TMEM154: variants seen among roughly 807,000 people sequenced by gnomAD.
TMEM154 encodes transmembrane protein 154.
Under a neutral mutation model 24.5 loss-of-function variants are expected in TMEM154, and 27 were observed. The observed-to-expected ratio is 1.10, with a 90% CI of 0.81 to 1.52. The LOEUF is 1.52. Ranked by LOEUF, TMEM154 falls within the 40% of genes most tolerant of loss-of-function variation. The pLI is 0.00. For missense variants in TMEM154, 228 were observed against 213.4 expected (o/e 1.07, Z -0.43); for synonymous variants, 67 against 76.8 (o/e 0.87, Z 0.67).
At chr4:152,629,279 T>C (rs1280125994) in intron 6 of TMEM154, among the ~76,000 whole-genome samples, 4 of 152,204 alleles carry the variant, frequency 2.6e-5, no homozygotes, top group African/African-American at 7.2e-5. Flanking sequence ...CCGTTTTCTC[T>C]CAAGAGTTTG....
At chr4:152,662,186 G>A (rs1023288273) in intron 1 of TMEM154, among the ~76,000 whole-genome samples, 11 of 151,972 alleles carry the variant, frequency 7.2e-5, no homozygotes, top group African/African-American at 2.7e-4. Flanking sequence ...ATCTAAAAAT[G>A]GGGAGAGCAT....
rs761429140 is a variant in TMEM154 at position 152,644,416 on chromosome 4, C to G, written c.391G>C (p.Val131Leu). 108 of 1,614,076 alleles carry G rather than the reference C, an allele frequency of 6.7e-5. 1 individual carries two copies. In the South Asian group the frequency reaches 9.2e-4, roughly 14 times the overall value. The part of the protein sequence containing the change: ...TYELGSENVK[V>L]PIFEEDTPSV... The stretch of plus-strand genomic sequence containing the variant: ...TCAGAAGCAGCAGGGAAAACTTACA[C>G]TTTCACGTTTTCACTTCCCAGTTCA... Residue 131 changes from valine (V) to leucine (L), a missense_variant and splice_region_variant, in exon 4 of 7, where the codon GTC becomes CTC. Val to Leu is a conservative substitution (Grantham distance 32, BLOSUM62 1). Transcript: ENST00000304385.
chr4:152,629,587 C>T (rs1380629284), intron 6 of TMEM154, among the ~76,000 whole-genome samples: 1 of 152,166 alleles, frequency 6.6e-6, no homozygotes, highest in African/African-American at 2.4e-5. Flanking sequence ...TTTTTAGTTC[C>T]GTACTCCCTT....
chr4:152,626,662 A>G lies in TMEM154; in HGVS notation c.*1884T>C, dbSNP rs1471584280. The G allele has an allele frequency of 6.6e-6, 1 of 152,124 alleles. No individual in the cohort carries two copies. Among genetic ancestry groups the G allele is most frequent in the Non-Finnish European group, 1.5e-5 (1 of 68,020 alleles). 9.4% of individuals were successfully genotyped at this position (152,124 alleles called of 1,614,324 possible). A position where few individuals can be genotyped will look rare whatever the true frequency, so the allele number is the denominator to read the frequency against. On this transcript the variant is annotated 3_prime_UTR_variant, in exon 7 of 7. Coordinates refer to ENST00000304385, the MANE Select transcript of TMEM154 (RefSeq NM_152680.3). ...GACTTCATCAACATGAAGTTCCAGGACCCCAGATGCCTCTCTGAGAAGTTC... is the reference window on the plus strand; with the variant it reads ...GACTTCATCAACATGAAGTTCCAGGGCCCCAGATGCCTCTCTGAGAAGTTC...
rs544288646 is a variant in TMEM154 at position 152,628,200 on chromosome 4, C to T, written c.*346G>A. The T allele has an allele frequency of 2.9e-5, 9 of 314,240 alleles. No individual in the cohort carries two copies. The highest frequency in any genetic ancestry group is 1.3e-4 in the East Asian group (2 of 15,958). The allele number at this position is 314,240 out of a possible 1,614,324, so 19.5% of individuals were successfully genotyped here. On this transcript the variant is annotated 3_prime_UTR_variant, in exon 7 of 7. Transcript: ENST00000304385. ...CCTAAGGAATGAAGCAGAAAGGTGACGAACATTTATCATGACCAGAGTGAG... is the reference window on the plus strand; with the variant it reads ...CCTAAGGAATGAAGCAGAAAGGTGATGAACATTTATCATGACCAGAGTGAG...
chr4:152,673,279 G>A (rs1206886830), intron 1 of TMEM154, among the ~76,000 whole-genome samples: 7 of 148,304 alleles, frequency 4.7e-5, no homozygotes, highest in African/African-American at 1.0e-4. Context: ...TTCCCACCCC[G>A]CTTCTGCATA....
intron 1 of TMEM154, among the ~76,000 whole-genome samples, chr4:152,678,654 C>T (rs1463516119): frequency 6.6e-6 from 1 of 152,168 alleles, no homozygotes; most frequent in Non-Finnish European, 1.5e-5. Flanking sequence ...GTTTCTTCAC[C>T]TGTGTGCCCA....
chr4:152,644,594 G>T, intron 3 of TMEM154, 152 bp from the exon 4 acceptor site: 1 of 762,898 alleles, frequency 1.3e-6, no homozygotes, highest in Non-Finnish European at 2.2e-6. Context: ...AGTCAAAGAA[G>T]TGTGGATTGC....
At chr4:152,636,830 T>C (rs940468526) in intron 6 of TMEM154, among the ~76,000 whole-genome samples, 8 of 152,354 alleles carry the variant, frequency 5.3e-5, no homozygotes, top group Non-Finnish European at 1.2e-4. Flanking sequence ...AGTGGAACCC[T>C]GTAAATGAAT....
At chr4:152,633,038 A>G (rs1050809242) in intron 6 of TMEM154, among the ~76,000 whole-genome samples, 1 of 152,246 alleles carries the variant, frequency 6.6e-6, no homozygotes, top group Non-Finnish European at 1.5e-5. Flanking sequence ...TGTTGGTAAA[A>G]CACTAGCATG....
At chr4:152,629,025 G>A (rs2149776819) in intron 6 of TMEM154, among the ~76,000 whole-genome samples, 1 of 152,192 alleles carries the variant, frequency 6.6e-6, no homozygotes, top group Admixed American at 6.5e-5. Flanking sequence ...AAACCATCAG[G>A]AAGCCAATGG....
chr4:152,668,155 T>C (rs1401909492), intron 1 of TMEM154, among the ~76,000 whole-genome samples: 1 of 152,224 alleles, frequency 6.6e-6, no homozygotes, highest in Admixed American at 6.5e-5. Context: ...TTTTATACAC[T>C]GGAATCCTAC....
chr4:152,677,972 TC>T (rs1259692758), intron 1 of TMEM154, among the ~76,000 whole-genome samples: 4 of 152,098 alleles, frequency 2.6e-5, no homozygotes, highest in African/African-American at 4.8e-5. Context: ...TTTAGGTCTA[TC>T]GGGGCACAGC....
intron 6 of TMEM154, among the ~76,000 whole-genome samples, chr4:152,634,771 T>A (rs527480034): frequency 6.6e-6 from 1 of 152,214 alleles, no homozygotes; most frequent in African/African-American, 2.4e-5. Flanking sequence ...AAGCTCAGAT[T>A]TGAGAGAATC....
At chr4:152,655,473 GC>G (rs1728472674) in intron 1 of TMEM154, among the ~76,000 whole-genome samples, 1 of 152,178 alleles carries the variant, frequency 6.6e-6, no homozygotes, top group East Asian at 1.9e-4. Flanking sequence ...GCAGCACAGT[GC>G]CACTTTGAGG....
At position 152,622,155 on chromosome 4, in the gene TMEM154, A is replaced by T. The variant is rs1047985495; in HGVS notation, c.*6391T>A. ...TTTTAAAAGTTATATTCTCATAAAC[A>T]ATTAAAATTTCATTCCTTCATTTAA... is the stretch of plus-strand genomic sequence containing the variant. On this transcript the variant is annotated 3_prime_UTR_variant, in exon 7 of 7. Coordinates refer to ENST00000304385, the MANE Select transcript of TMEM154 (RefSeq NM_152680.3). 6.6e-6 allele frequency: 1 copy of T among 152,250 alleles called. No homozygotes were observed. Among genetic ancestry groups the T allele is most frequent in the Non-Finnish European group, 1.5e-5 (1 of 68,048 alleles). 9.4% of individuals were successfully genotyped at this position (152,250 alleles called of 1,614,324 possible).
chr4:152,629,657 G>A (rs1751994781), intron 6 of TMEM154, among the ~76,000 whole-genome samples: 1 of 152,168 alleles, frequency 6.6e-6, no homozygotes, highest in Non-Finnish European at 1.5e-5. Context: ...GAGCTTGAAT[G>A]ATAATGATCG....
In TMEM154 at chr4:152,679,927, C is replaced by T. The variant is rs773708265; in HGVS notation, c.7G>A (p.Ala3Thr). ...GCGAAGACTAGGGCTGCGCGGGGAG[C>T]CTGCATGTCCGCTCGCCTCGGCAGA... is the stretch of plus-strand genomic sequence containing the variant. The part of the protein sequence containing the change: MQ[A>T]PRAALVFALV... The change falls in exon 1 of 7, where the codon GCT becomes ACT. Residue 3 changes from alanine (A) to threonine (T), a missense_variant. Physicochemically the swap from Ala to Thr is moderately conservative, Grantham distance 58. Transcript: ENST00000304385. 53 of 1,609,644 alleles carry T rather than the reference C, an allele frequency of 3.3e-5. No homozygotes were observed. Among genetic ancestry groups the T allele is most frequent in the Non-Finnish European group, 3.9e-5 (46 of 1,178,604 alleles).
chr4:152,628,373 T>A lies in TMEM154; in HGVS notation c.*173A>T. On this transcript the variant is annotated 3_prime_UTR_variant, in exon 7 of 7. Transcript: ENST00000304385. Reference sequence around the variant, plus strand: ...CTTCTCAATTGCACATTCTTCCAAGTGCAAGTGATGCCATCATTAGGAAGA... The same window carrying A: ...CTTCTCAATTGCACATTCTTCCAAGAGCAAGTGATGCCATCATTAGGAAGA... The A allele has an allele frequency of 9.1e-7, 1 of 1,097,598 alleles. No individual in the cohort carries two copies. Among genetic ancestry groups the A allele is most frequent in the Non-Finnish European group, 1.4e-6 (1 of 737,658 alleles). 68.0% of individuals were successfully genotyped at this position (1,097,598 alleles called of 1,614,324 possible).
Sources: allele counts gnomAD v4.1 joint callset (sites outside exome capture counted in the v4.1 genomes callset), GRCh38; gene constraint gnomAD v4.1.1; transcripts MANE v1.5; gene names NCBI Gene and HGNC (gene_info 2026-07-23, HGNC 2026-07-21).